The following SCHIP1 variants were observed in gnomAD, a reference collection of about 807,000 sequenced individuals.
The protein encoded by SCHIP1 is schwannomin interacting protein 1, also known as schwannomin-interacting protein 1.
A neutral mutation model predicts 29.7 loss-of-function variants in SCHIP1; 8 were observed. That is an observed-to-expected ratio of 0.27 (90% CI 0.16 to 0.49). SCHIP1 has a LOEUF of 0.49. SCHIP1 is among the 20% of genes least tolerant of loss of function. The pLI, the probability that SCHIP1 is intolerant of heterozygous loss-of-function variation, is 0.99. For missense variants in SCHIP1, 193 were observed against 294.6 expected, an observed-to-expected ratio of 0.66 and a Z score of 2.52; for synonymous variants, 76 against 94.9, an observed-to-expected ratio of 0.80 and a Z score of 1.16.
intron 1 of SCHIP1, among the ~76,000 whole-genome samples, chr3:159,865,177 A>G (rs907376086): frequency 6.6e-6 from 1 of 152,114 alleles, no homozygotes; most frequent in African/African-American, 2.4e-5. Flanking sequence ...GTGGTCTTCA[A>G]CCCCTTGCTC....
the SCHIP1 span, among the ~76,000 whole-genome samples, chr3:159,828,397 G>A: frequency 8.0e-5 from 7 of 87,520 alleles, no homozygotes; most frequent in Admixed American, 2.3e-4. Flanking sequence ...ACATATATAC[G>A]TATATATATA....
the SCHIP1 span, among the ~76,000 whole-genome samples, chr3:159,626,735 G>A: frequency 3.3e-5 from 5 of 152,150 alleles, no homozygotes; most frequent in Non-Finnish European, 7.4e-5. Context: ...ACAGGCTGTT[G>A]TGTGGTTTGT....
chr3:159,801,927 C>T, the SCHIP1 span, among the ~76,000 whole-genome samples: 111 of 152,198 alleles, frequency 7.3e-4, no homozygotes, highest in African/African-American at 2.5e-3. Flanking sequence ...GTTGTTATTG[C>T]TACAATTAAT....
At chr3:159,526,939 G>T in the SCHIP1 span, among the ~76,000 whole-genome samples, 1 of 152,130 alleles carries the variant, frequency 6.6e-6, no homozygotes, top group African/African-American at 2.4e-5. Flanking sequence ...GGCAGAAAAG[G>T]GAACAAAAGG....
At chr3:159,639,306 C>G in the SCHIP1 span, among the ~76,000 whole-genome samples, 1 of 152,080 alleles carries the variant, frequency 6.6e-6, no homozygotes, top group Admixed American at 6.6e-5. Context: ...ATTGGAAAAT[C>G]CTTTTTCACG....
At chr3:159,590,147 A>ACGTGGGCAGATT in the SCHIP1 span, among the ~76,000 whole-genome samples, 1 of 152,094 alleles carries the variant, frequency 6.6e-6, no homozygotes, top group African/African-American at 2.4e-5. Context: ...GTGGGCAGAT[A>ACGTGGGCAGATT]CATGACCAGA....
the SCHIP1 span, among the ~76,000 whole-genome samples, chr3:159,382,949 G>T: frequency 1.3e-5 from 2 of 149,904 alleles, no homozygotes; most frequent in African/African-American, 4.9e-5. Context: ...CTTTTTGATG[G>T]GGTTGTTTGT....
the SCHIP1 span, among the ~76,000 whole-genome samples, chr3:159,814,433 G>C: frequency 1.2e-4 from 19 of 152,290 alleles, no homozygotes; most frequent in African/African-American, 4.6e-4. Flanking sequence ...GCTCTATAAG[G>C]TTTCTAGGCA....
At chr3:159,693,736 A>T in the SCHIP1 span, among the ~76,000 whole-genome samples, 2 of 152,332 alleles carry the variant, frequency 1.3e-5, no homozygotes, top group Admixed American at 6.5e-5. Flanking sequence ...AAAATTCTCC[A>T]ATTTCCAGGA....
the SCHIP1 span, among the ~76,000 whole-genome samples, chr3:159,739,671 A>G: frequency 5.3e-5 from 8 of 152,310 alleles, no homozygotes; most frequent in East Asian, 1.5e-3. Context: ...TTGCTCTTTA[A>G]CCTTGCATAT....
the SCHIP1 span, among the ~76,000 whole-genome samples, chr3:159,372,690 G>A: frequency 2.6e-5 from 4 of 151,954 alleles, no homozygotes; most frequent in African/African-American, 9.7e-5. Context: ...ATGGGTTTGA[G>A]GGTTTTTCTC....
At chr3:159,430,249 C>A in the SCHIP1 span, among the ~76,000 whole-genome samples, 1 of 152,020 alleles carries the variant, frequency 6.6e-6, no homozygotes, top group Non-Finnish European at 1.5e-5. Flanking sequence ...AGATATTAAC[C>A]ACCAATTAAA....
the SCHIP1 span, among the ~76,000 whole-genome samples, chr3:159,325,913 G>T: frequency 6.6e-6 from 1 of 151,976 alleles, no homozygotes; most frequent in Non-Finnish European, 1.5e-5. Context: ...CTGTAGTCAT[G>T]GTTTTTTACA....
the SCHIP1 span, among the ~76,000 whole-genome samples, chr3:159,565,168 C>T: frequency 6.6e-6 from 1 of 152,154 alleles, no homozygotes; most frequent in Non-Finnish European, 1.5e-5. Flanking sequence ...TCCCAGTGCT[C>T]AGCTCATAGG....
the SCHIP1 span, among the ~76,000 whole-genome samples, chr3:159,657,723 T>C: frequency 3.3e-5 from 5 of 152,172 alleles, no homozygotes; most frequent in African/African-American, 1.2e-4. Flanking sequence ...TAGATCCAAT[T>C]TTAAATTAAT....
At chr3:159,512,291 T>C in the SCHIP1 span, among the ~76,000 whole-genome samples, 2 of 152,192 alleles carry the variant, frequency 1.3e-5, no homozygotes, top group Non-Finnish European at 2.9e-5. Flanking sequence ...AAAACCTCAA[T>C]GAGATAGCAC....
the SCHIP1 span, among the ~76,000 whole-genome samples, chr3:159,822,424 A>G: frequency 2.0e-5 from 3 of 151,962 alleles, no homozygotes; most frequent in Non-Finnish European, 4.4e-5. Context: ...ATGAACTGGA[A>G]TGACAATGCA....
chr3:159,713,229 AAAGG>A, the SCHIP1 span, among the ~76,000 whole-genome samples: 157 of 106,750 alleles, frequency 1.5e-3, no homozygotes, highest in East Asian at 0.011. Flanking sequence ...AGAGAGAAAG[AAAGG>A]AAGAAAGAAA....
At chr3:159,809,932 T>G in the SCHIP1 span, among the ~76,000 whole-genome samples, 4 of 152,172 alleles carry the variant, frequency 2.6e-5, no homozygotes, top group Non-Finnish European at 5.9e-5. Context: ...AGGCATAGGT[T>G]GCAGTCAGCC....
Sources: allele counts gnomAD v4.1 joint callset (sites outside exome capture counted in the v4.1 genomes callset), GRCh38; gene constraint gnomAD v4.1.1; transcripts MANE v1.5; gene names NCBI Gene and HGNC (gene_info 2026-07-23, HGNC 2026-07-21).